Variants in SGSH observed in about 807,000 individuals in gnomAD.
SGSH encodes the protein N-sulfoglucosamine sulfohydrolase.
In SGSH, 48 loss-of-function variants were observed where a neutral mutation model predicts 51.0. The observed-to-expected ratio is 0.94, with a 90% CI of 0.75 to 1.20. The LOEUF is 1.20. SGSH is among the 50% of genes most tolerant of loss of function. SGSH has a pLI of 0.00. For synonymous variants in SGSH, 321 were observed against 313.4 expected (o/e 1.02, Z -0.26); for missense variants, 662 against 717.8 (o/e 0.92, Z 0.89).
Position 80,209,552 on chromosome 17 carries a change from G to A in SGSH, c.*900C>T. 1 of 985,242 alleles carries A rather than the reference G, an allele frequency of 1.0e-6. No homozygotes were observed. The highest frequency in any genetic ancestry group is 1.2e-6 in the Non-Finnish European group (1 of 829,944). The allele number at this position is 985,242 out of a possible 1,614,324, so 61.0% of individuals were successfully genotyped here. ...CATCCAAGAATTAACCCAAGCCAGAGGACGGGCATCGCCACCCAGCAACGC... is the reference window on the plus strand; with the variant it reads ...CATCCAAGAATTAACCCAAGCCAGAAGACGGGCATCGCCACCCAGCAACGC... On this transcript the variant is annotated 3_prime_UTR_variant, in exon 8 of 8. Transcript: ENST00000326317.
Position 80,209,580 on chromosome 17 carries a change from G to T in SGSH, c.*872C>A, listed in dbSNP as rs2041544213. The T allele has an allele frequency of 1.1e-6, 1 of 933,864 alleles. No homozygotes were observed. Among genetic ancestry groups the T allele is most frequent in the African/African-American group, 1.9e-5 (1 of 53,932 alleles). 57.8% of individuals were successfully genotyped at this position (933,864 alleles called of 1,614,324 possible). On this transcript the variant is annotated 3_prime_UTR_variant, in exon 8 of 8. Coordinates refer to ENST00000326317, the MANE Select transcript of SGSH (RefSeq NM_000199.5). ...CGGGCATCGCCACCCAGCAACGCCA[G>T]TGTCACCGAAGAATTAACCCAAGGC... is the stretch of plus-strand genomic sequence containing the variant.
chr17:80,216,931 C>A, intron 2 of SGSH, 101 bp downstream of exon 2: 1 of 1,186,348 alleles, frequency 8.4e-7, no homozygotes, highest in Admixed American at 2.2e-5. Flanking sequence ...TGGGCAACAC[C>A]CCCCGGGATC....
downstream of SGSH, chr17:80,203,880 CG>C: frequency 6.3e-7 from 1 of 1,595,508 alleles, no homozygotes; most frequent in Admixed American, 1.7e-5. This position sits in a 1 kb window ranked among gnomAD's most constrained non-coding sequence, Gnocchi z 4.6. Flanking sequence ...CACCGTGACC[CG>C]CAAGGTGAGG....
In SGSH at chr17:80,210,240, G is replaced by A. The variant is rs574766725; in HGVS notation, c.*212C>T. ...CTGCCATGACGGCAGTGCCCCTGGT[G>A]GTGGAGGGGCTGGGCACATGCTCTG... On this transcript the variant is annotated 3_prime_UTR_variant, in exon 8 of 8. Transcript: ENST00000326317. 15 of 1,424,878 alleles carry A rather than the reference G, an allele frequency of 1.1e-5. No homozygotes were observed. The highest frequency in any genetic ancestry group is 1.4e-5 in the Non-Finnish European group (15 of 1,093,638). The allele number at this position is 1,424,878 out of a possible 1,614,324, so 88.3% of individuals were successfully genotyped here.
At position 80,211,853 on chromosome 17, in the gene SGSH, C is replaced by T. The variant is rs573534876; in HGVS notation, c.949+218G>A. The T allele has an allele frequency of 3.2e-5, 19 of 598,578 alleles. No homozygotes were observed. In the African/African-American group the frequency reaches 3.5e-4, roughly 11 times the overall value. The allele number at this position is 598,578 out of a possible 1,614,324, so 37.1% of individuals were successfully genotyped here. A position where few individuals can be genotyped will look rare whatever the true frequency, so the allele number is the denominator to read the frequency against. On this transcript the variant is annotated intron_variant, in intron 7 of 7. Coordinates refer to ENST00000326317, the MANE Select transcript of SGSH (RefSeq NM_000199.5). ...AAGCAGCAGGATCCAGGCGAGAATC[C>T]TAGCTTAGTGCTTACCAGCTGTGCA...
At chr17:80,220,178 T>G in intron 1 of SGSH, 48 bp downstream of exon 1, 1 of 1,422,476 alleles carries the variant, frequency 7.0e-7, no homozygotes, top group South Asian at 1.3e-5. Flanking sequence ...AGTGGCCACT[T>G]CCCCGGGCCA....
downstream of SGSH, chr17:80,204,247 G>T: frequency 6.3e-7 from 1 of 1,593,526 alleles, no homozygotes; most frequent in Non-Finnish European, 8.6e-7. Flanking sequence ...GGGGACCACA[G>T]AAGCTGGTCC....
intron 2 of SGSH, among the ~76,000 whole-genome samples, 160 bp from the exon 3 acceptor site, chr17:80,215,298 C>G (rs755229603): frequency 9.2e-5 from 14 of 152,244 alleles, no homozygotes; most frequent in Non-Finnish European, 1.3e-4. Flanking sequence ...ACCTCCCACT[C>G]CCTGCCCGAT....
rs1050871994 is a variant in SGSH, at chr17:80,213,179, G to T, written c.745+625C>A. 1 of 149,472 alleles carries T rather than the reference G, an allele frequency of 6.7e-6. No homozygotes were observed. 9.3% of individuals were successfully genotyped at this position (149,472 alleles called of 1,614,324 possible). On this transcript the variant is annotated intron_variant, in intron 6 of 7. Coordinates refer to ENST00000326317, the MANE Select transcript of SGSH (RefSeq NM_000199.5). This position sits in a 1 kb window ranked among gnomAD's most constrained non-coding sequence, Gnocchi z 4.6. ...ACTGCACTCCCGCGTGGGTGACAGA[G>T]CAAGACTCAGTCTCAAAAAAAAAAA...
chr17:80,203,299 T>C (rs1307370797), downstream of SGSH: 2 of 151,898 alleles, frequency 1.3e-5, no homozygotes, highest in Non-Finnish European at 2.9e-5. The surrounding 1 kb of genome is among the most constrained non-coding windows in gnomAD (Gnocchi z 4.6). Context: ...AGGAAACCAT[T>C]GTTCTAGATC....
At chr17:80,211,329 A>G (rs943988973) in intron 7 of SGSH, 5 of 487,640 alleles carry the variant, frequency 1.0e-5, no homozygotes, top group African/African-American at 3.9e-5. Flanking sequence ...CTCCTGGCTC[A>G]TCATTTGGGG....
chr17:80,211,089 C>T (rs919966193), intron 7 of SGSH, 78 bp from the exon 8 acceptor site: 4 of 1,569,364 alleles, frequency 2.5e-6, no homozygotes, highest in African/African-American at 2.7e-5. Flanking sequence ...GAACCTACGC[C>T]ACTCTGGGCG....
chr17:80,217,307 G>T, intron 1 of SGSH, 115 bp from the exon 2 acceptor site: 1 of 1,239,892 alleles, frequency 8.1e-7, no homozygotes, highest in Non-Finnish European at 1.1e-6. Flanking sequence ...AGGTGGGCAT[G>T]GTACTGGCTC....
chr17:80,204,996 C>T, downstream of SGSH: 1 of 1,499,172 alleles, frequency 6.7e-7, no homozygotes, highest in Non-Finnish European at 8.9e-7. Context: ...CTGGGGGCTG[C>T]CGCAGCCTCA....
At chr17:80,208,168 G>A (rs1454622100), downstream of SGSH, 3 of 1,548,154 alleles carry the variant, frequency 1.9e-6, no homozygotes, top group South Asian at 3.6e-5. Flanking sequence ...GCACCTCAGA[G>A]GAGCAGCTCC....
chr17:80,202,763 AC>A, downstream of SGSH: 1 of 369,614 alleles, frequency 2.7e-6, no homozygotes, highest in Non-Finnish European at 4.5e-6. Flanking sequence ...TGGCCGCCCT[AC>A]CCAGGATGCC....
chr17:80,208,345 A>T, downstream of SGSH: 1 of 1,591,652 alleles, frequency 6.3e-7, no homozygotes, highest in Non-Finnish European at 8.6e-7. Context: ...GCCCCCGATG[A>T]TGCACCGTGC....
At chr17:80,217,286 G>T in intron 1 of SGSH, 94 bp from the exon 2 acceptor site, 1 of 1,436,498 alleles carries the variant, frequency 7.0e-7, no homozygotes, top group Non-Finnish European at 9.5e-7. Context: ...ATGCCAGAAG[G>T]CGAGACACCC....
intron 3 of SGSH, 131 bp from the exon 4 acceptor site, chr17:80,214,896 C>A: frequency 7.6e-7 from 1 of 1,323,544 alleles, no homozygotes; most frequent in Non-Finnish European, 1.1e-6. Flanking sequence ...GAGACCCAGG[C>A]CCAGATCCTT....
Sources: allele counts gnomAD v4.1 joint callset (sites outside exome capture counted in the v4.1 genomes callset), GRCh38; gene constraint gnomAD v4.1.1; non-coding constraint Gnocchi (gnomAD v3.1); transcripts MANE v1.5; gene names NCBI Gene and HGNC (gene_info 2026-07-23, HGNC 2026-07-21).